The following ITGA9 variants were observed in gnomAD, a reference collection of about 807,000 sequenced individuals.
The protein encoded by ITGA9 is integrin alpha-9.
ITGA9 carries 56 observed loss-of-function variants against 127.8 expected under a neutral mutation model. The ratio of observed to expected loss-of-function variants is 0.44; its 90% CI spans 0.35 to 0.55. The LOEUF (loss-of-function observed/expected upper bound fraction) is 0.55, where lower values mean the gene tolerates loss of function less well. Among genes scored for constraint, ITGA9 ranks in the 20% least tolerant of loss-of-function variants. The pLI is 0.00. For synonymous variants in ITGA9, 508 were observed against 514.5 expected (o/e 0.99, Z 0.17); for missense variants, 1,196 against 1,347.1 (o/e 0.89, Z 1.76).
chr3:37,565,233 C>G (rs866965293), intron 15 of ITGA9, among the ~76,000 whole-genome samples: 1 of 152,182 alleles, frequency 6.6e-6, no homozygotes, highest in African/African-American at 2.4e-5. Context: ...CTTGTGGGTC[C>G]ATTACTTTCC....
At chr3:37,630,124 A>G (rs1475385538) in intron 16 of ITGA9, among the ~76,000 whole-genome samples, 1 of 152,252 alleles carries the variant, frequency 6.6e-6, no homozygotes, top group Non-Finnish European at 1.5e-5. Context: ...CACCTTTCAC[A>G]GTGCTTCAGA....
chr3:37,567,546 T>C (rs1372356219), intron 15 of ITGA9, among the ~76,000 whole-genome samples: 1 of 152,134 alleles, frequency 6.6e-6, no homozygotes, highest in East Asian at 1.9e-4. Context: ...CAAAGTCTCA[T>C]ATGAGACAAG....
intron 15 of ITGA9, among the ~76,000 whole-genome samples, chr3:37,561,024 C>T (rs747903558): frequency 1.2e-3 from 182 of 152,200 alleles, no homozygotes; most frequent in Non-Finnish European, 2.0e-3. Flanking sequence ...CTAAGGACTC[C>T]GGTCAGATTG....
chr3:37,817,095 G>A (rs1388023173), intron 27 of ITGA9, among the ~76,000 whole-genome samples: 1 of 152,202 alleles, frequency 6.6e-6, no homozygotes, highest in Non-Finnish European at 1.5e-5. Context: ...ATGACCATCA[G>A]GGTGGCTGTG....
At chr3:37,579,162 T>G (rs1485053959) in intron 15 of ITGA9, among the ~76,000 whole-genome samples, 1 of 152,098 alleles carries the variant, frequency 6.6e-6, no homozygotes, top group Non-Finnish European at 1.5e-5. Flanking sequence ...CCTCTCCTAA[T>G]GGTCACATGG....
intron 15 of ITGA9, among the ~76,000 whole-genome samples, chr3:37,553,743 A>G (rs1699401054): frequency 6.6e-6 from 1 of 152,166 alleles, no homozygotes; most frequent in Non-Finnish European, 1.5e-5. Context: ...GAAGGTGATC[A>G]TTTGGGTCAT....
Position 37,542,501 on chromosome 3 carries a change from G to T in ITGA9, c.1605G>T (p.Leu535=). 1 of 1,614,096 alleles carries T rather than the reference G, an allele frequency of 6.2e-7. No homozygotes were observed. Residue 535 remains leucine (L), a synonymous_variant, in exon 15 of 28, where the codon CTG becomes CTT. Transcript: ENST00000264741. ...GQMPRVYFVL[L]GETMGQVTEK... is the part of the protein sequence containing the mutation. Reference sequence around the variant, plus strand: ...TGCCCAGGGTCTACTTTGTGCTGCTGGGAGAGACCATGGGTCAGGTCACAG... The same window carrying T: ...TGCCCAGGGTCTACTTTGTGCTGCTTGGAGAGACCATGGGTCAGGTCACAG...
intron 1 of ITGA9, among the ~76,000 whole-genome samples, chr3:37,453,460 G>T (rs1170082782): frequency 1.3e-5 from 2 of 152,256 alleles, no homozygotes; most frequent in South Asian, 4.1e-4. Context: ...GAAGCACTAA[G>T]GGGGGGTTGG....
At chr3:37,746,971 C>A (rs1696508906) in intron 22 of ITGA9, among the ~76,000 whole-genome samples, 1 of 152,216 alleles carries the variant, frequency 6.6e-6, no homozygotes, top group African/African-American at 2.4e-5. Context: ...ACCTCAACTT[C>A]AGAGTTGCAG....
At position 37,565,123 on chromosome 3, in the gene ITGA9, C is replaced by T. The variant is rs80082309; in HGVS notation, c.1689+22538C>T. ...ATTTCTTATGTCAGGTTCCCAGTTT[C>T]CTCTTCTGTAAAATGGAGGCAGCAT... On this transcript the variant is annotated intron_variant, in intron 15 of 27. Transcript: ENST00000264741. Among the ~76,000 whole-genome samples, 37 of 152,302 alleles carry T rather than the reference C, an allele frequency of 2.4e-4. No individual in the cohort carries two copies. In the East Asian group the frequency reaches 6.2e-3, roughly 25 times the overall value.
chr3:37,699,544 T>C (rs775671561), intron 18 of ITGA9, among the ~76,000 whole-genome samples: 1 of 152,240 alleles, frequency 6.6e-6, no homozygotes, highest in Non-Finnish European at 1.5e-5. Context: ...GTCTTTTGCC[T>C]CATTATTGAT....
At chr3:37,709,672 C>T (rs1575203345) in intron 18 of ITGA9, among the ~76,000 whole-genome samples, 1 of 152,352 alleles carries the variant, frequency 6.6e-6, no homozygotes, top group Non-Finnish European at 1.5e-5. Flanking sequence ...CCCTCACACA[C>T]AACCCCATGC....
At chr3:37,647,345 A>G (rs1700386706) in intron 16 of ITGA9, among the ~76,000 whole-genome samples, 1 of 151,966 alleles carries the variant, frequency 6.6e-6, no homozygotes, top group South Asian at 2.1e-4. Flanking sequence ...ATTTGATTTC[A>G]TTGTTTTTTA....
intron 17 of ITGA9, among the ~76,000 whole-genome samples, chr3:37,657,584 C>A (rs2125649604): frequency 6.8e-6 from 1 of 146,894 alleles, no homozygotes; most frequent in Non-Finnish European, 1.5e-5. Flanking sequence ...CTGTTTTCTT[C>A]TTTATTAGTG....
intron 1 of ITGA9, among the ~76,000 whole-genome samples, chr3:37,463,060 G>A (rs1453132689): frequency 6.6e-6 from 1 of 152,152 alleles, no homozygotes; most frequent in Admixed American, 6.5e-5. Flanking sequence ...GTCCTGGTTG[G>A]TGATGAGATT....
At chr3:37,497,452 G>A (rs1698743168) in intron 5 of ITGA9, among the ~76,000 whole-genome samples, 1 of 151,934 alleles carries the variant, frequency 6.6e-6, no homozygotes, top group East Asian at 1.9e-4. Flanking sequence ...ACATGTCTGG[G>A]CTGAACAAAC....
At chr3:37,750,650 A>C (rs1029861049) in intron 23 of ITGA9, 81 bp downstream of exon 23, 2 of 970,374 alleles carry the variant, frequency 2.1e-6, no homozygotes, top group Non-Finnish European at 3.3e-6. Flanking sequence ...CTACCCTGAC[A>C]TCCACCTTGA....
chr3:37,578,332 G>C (rs1208542096), intron 15 of ITGA9, among the ~76,000 whole-genome samples: 1 of 152,204 alleles, frequency 6.6e-6, no homozygotes. Flanking sequence ...AGGCCAGTGT[G>C]GGGTAAGGGG....
chr3:37,735,999 C>T (rs916019472), intron 19 of ITGA9, among the ~76,000 whole-genome samples: 8 of 152,264 alleles, frequency 5.3e-5, no homozygotes, highest in South Asian at 2.1e-4. Context: ...CAGTTCCTGG[C>T]GAGAGTTCTC....
Sources: gnomAD v4.1 joint callset for allele counts (sites outside exome capture counted in the v4.1 genomes callset) on GRCh38, gnomAD v4.1.1 for gene constraint, MANE v1.5 for transcripts, NCBI Gene and HGNC (gene_info 2026-07-23, HGNC 2026-07-21) for gene names.